GRIN2B: variants seen among roughly 807,000 people sequenced by gnomAD.
The protein encoded by GRIN2B is glutamate ionotropic receptor NMDA type subunit 2B.
In GRIN2B, 5 loss-of-function variants were observed where a neutral mutation model predicts 114.5. The observed-to-expected ratio is 0.04, with a 90% CI of 0.02 to 0.09. The LOEUF is 0.09. GRIN2B is among the 10% of genes least tolerant of loss of function. GRIN2B has a pLI of 1.00. For missense variants in GRIN2B, 1,108 were observed against 1,943.5 expected, an observed-to-expected ratio of 0.57 and a Z score of 8.08; for synonymous variants, 787 against 745.1, an observed-to-expected ratio of 1.06 and a Z score of -0.92.
In GRIN2B at chr12:13,615,310, G is replaced by A. The variant is rs200242298; in HGVS notation, c.1501-43C>T. On this transcript the variant is annotated intron_variant, in intron 7 of 13. Coordinates refer to ENST00000609686, the MANE Select transcript of GRIN2B (RefSeq NM_000834.5). The surrounding 1 kb of genome is among the most constrained non-coding windows in gnomAD (Gnocchi z 5.8). ...TGCTCCAATTAAAACATTCAGGAGG[G>A]CAAGGGACCACCACAAGGAAAATAC... 1.3e-6 allele frequency: 2 copies of A among 1,598,722 alleles called. No individual in the cohort carries two copies. The highest frequency in any genetic ancestry group is 2.2e-5 in the South Asian group (2 of 90,752).
intron 5 of GRIN2B, among the ~76,000 whole-genome samples, chr12:13,640,782 T>C (rs1228404804): frequency 6.6e-6 from 1 of 152,064 alleles, no homozygotes; most frequent in African/African-American, 2.4e-5. Context: ...GGAACCAAAA[T>C]GTGTGATTGA....
intron 2 of GRIN2B, among the ~76,000 whole-genome samples, chr12:13,891,388 G>GA (rs1366267412): frequency 6.6e-6 from 1 of 151,948 alleles, no homozygotes; most frequent in Non-Finnish European, 1.5e-5. Context: ...TCAAAGCCCT[G>GA]AAAAAATTAC....
At chr12:13,796,051 T>C (rs1179274818) in intron 3 of GRIN2B, among the ~76,000 whole-genome samples, 4 of 144,150 alleles carry the variant, frequency 2.8e-5, no homozygotes, top group Admixed American at 1.4e-4. Context: ...CTGCACGTTG[T>C]ACACATGTAC....
chr12:13,860,337 T>C (rs1301789876), intron 3 of GRIN2B, among the ~76,000 whole-genome samples: 1 of 152,148 alleles, frequency 6.6e-6, no homozygotes, highest in Non-Finnish European at 1.5e-5. Flanking sequence ...ATTTATTTTA[T>C]TTTATTTTTG....
chr12:13,793,652 A>G (rs1049459861), intron 3 of GRIN2B, among the ~76,000 whole-genome samples: 1 of 152,254 alleles, frequency 6.6e-6, no homozygotes, highest in East Asian at 1.9e-4. Context: ...GGGCTCTAGT[A>G]ACCTATCCTT....
At chr12:13,960,769 T>A (rs1338499153) in intron 2 of GRIN2B, among the ~76,000 whole-genome samples, 2 of 152,192 alleles carry the variant, frequency 1.3e-5, no homozygotes, top group Non-Finnish European at 2.9e-5. Flanking sequence ...GCAAAGTCCG[T>A]AATGAAGAGA....
intron 2 of GRIN2B, among the ~76,000 whole-genome samples, chr12:13,896,135 G>A (rs961289642): frequency 1.3e-5 from 2 of 152,154 alleles, no homozygotes. Flanking sequence ...TGTGATTTCA[G>A]AGGAGAGATT....
intron 2 of GRIN2B, among the ~76,000 whole-genome samples, chr12:13,908,997 G>A (rs568232903): frequency 6.6e-6 from 1 of 152,180 alleles, no homozygotes; most frequent in Non-Finnish European, 1.5e-5. Flanking sequence ...CTGGGATTGT[G>A]TGTCCACCAT....
intron 4 of GRIN2B, among the ~76,000 whole-genome samples, chr12:13,739,759 G>A (rs377406195): frequency 6.6e-5 from 10 of 152,312 alleles, no homozygotes; most frequent in African/African-American, 2.2e-4. Context: ...ACTGGGCTGG[G>A]GAAGGAAGCG....
intron 3 of GRIN2B, among the ~76,000 whole-genome samples, chr12:13,832,692 A>C (rs1245195546): frequency 1.3e-5 from 2 of 152,234 alleles, no homozygotes; most frequent in African/African-American, 4.8e-5. Context: ...AATTTAATTT[A>C]ACCAGCCCTT....
In GRIN2B at chr12:13,563,617, C is replaced by T. The variant is rs200551241; in HGVS notation, c.3621G>A (p.Glu1207=). ...GGCAGAAGTTGCCCCCGGACCGGTC[C>T]TCCCACTCCACGTTGGTCAGGTTCT... The part of the protein sequence containing the change: ...WEKNLTNVEW[E]DRSGGNFCRS... Residue 1207 remains glutamate, a synonymous_variant, in exon 14 of 14, where the codon GAG becomes GAA. Transcript: ENST00000609686. The T allele has an allele frequency of 1.2e-6, 2 of 1,613,924 alleles. No homozygotes were observed. The highest frequency in any genetic ancestry group is 1.1e-5 in the South Asian group (1 of 91,088).
intron 3 of GRIN2B, among the ~76,000 whole-genome samples, chr12:13,831,393 G>A (rs927224276): frequency 6.6e-6 from 1 of 152,140 alleles, no homozygotes; most frequent in African/African-American, 2.4e-5. Context: ...ACAGAGCTGG[G>A]AGAATTCTCA....
intron 3 of GRIN2B, among the ~76,000 whole-genome samples, chr12:13,860,317 G>A (rs1412244301): frequency 6.6e-6 from 1 of 152,032 alleles, no homozygotes; most frequent in African/African-American, 2.4e-5. Context: ...TCCCAAAGAA[G>A]CAATTTATTA....
At chr12:13,791,925 T>G (rs543495641) in intron 3 of GRIN2B, among the ~76,000 whole-genome samples, 25 of 152,340 alleles carry the variant, frequency 1.6e-4, no homozygotes, top group African/African-American at 6.0e-4. Context: ...AATTAGATAT[T>G]TGTACCCAAT....
At chr12:13,967,242 G>A (rs549895811) in intron 2 of GRIN2B, among the ~76,000 whole-genome samples, 37 of 152,246 alleles carry the variant, frequency 2.4e-4, no homozygotes, top group African/African-American at 8.2e-4. Flanking sequence ...ACCACCTTTC[G>A]AATCCTGCTG....
At chr12:13,794,151 G>A (rs771704446) in intron 3 of GRIN2B, among the ~76,000 whole-genome samples, 11 of 134,408 alleles carry the variant, frequency 8.2e-5, no homozygotes, top group Non-Finnish European at 1.4e-4. Flanking sequence ...GTTGTAGTGA[G>A]TTGAGATCAC....
At chr12:13,577,968 C>T (rs1190999318) in intron 10 of GRIN2B, among the ~76,000 whole-genome samples, 1 of 152,178 alleles carries the variant, frequency 6.6e-6, no homozygotes, top group East Asian at 1.9e-4. Context: ...TTATTGTGTA[C>T]AGAGGAGATG....
At chr12:13,660,228 G>A (rs1341233155) in intron 5 of GRIN2B, among the ~76,000 whole-genome samples, 9 of 152,080 alleles carry the variant, frequency 5.9e-5, no homozygotes, top group Non-Finnish European at 8.8e-5. Context: ...TGGGGGAGAG[G>A]ACCACACACA....
chr12:13,636,505 T>C (rs912377797), intron 5 of GRIN2B, among the ~76,000 whole-genome samples: 14 of 152,148 alleles, frequency 9.2e-5, no homozygotes, highest in African/African-American at 3.4e-4. Flanking sequence ...GAACAGGTGA[T>C]GGGGACGTGA....
Sources: allele counts gnomAD v4.1 joint callset (sites outside exome capture counted in the v4.1 genomes callset), GRCh38; gene constraint gnomAD v4.1.1; non-coding constraint Gnocchi (gnomAD v3.1); transcripts MANE v1.5; gene names NCBI Gene and HGNC (gene_info 2026-07-23, HGNC 2026-07-21).